Variants in BBS4 observed in about 807,000 individuals in gnomAD.
BBS4 encodes the protein Bardet-Biedl syndrome 4.
In BBS4, 58 loss-of-function variants were observed where a neutral mutation model predicts 71.4. The observed-to-expected ratio is 0.81, with a 90% CI of 0.66 to 1.01. The LOEUF (loss-of-function observed/expected upper bound fraction) is 1.01. BBS4 is among the 50% of genes least tolerant of loss of function. The probability of loss-of-function intolerance (pLI) is 0.00; values close to 1 mark genes in which losing one functional copy is unlikely to be tolerated. For missense variants in BBS4, 660 were observed against 607.9 expected, an observed-to-expected ratio of 1.09 and a Z score of -0.90; for synonymous variants, 228 against 216.8, an observed-to-expected ratio of 1.05 and a Z score of -0.46.
At position 72,735,976 on chromosome 15, in the gene BBS4, T is replaced by C. The variant is rs1369569598; in HGVS notation, c.1248+10T>C. 1 of 1,614,084 alleles carries C rather than the reference T, an allele frequency of 6.2e-7. No homozygotes were observed. Among genetic ancestry groups the C allele is most frequent in the South Asian group, 1.1e-5 (1 of 91,072 alleles). ...GGAATTTGACTCTGAGGTATGTCTT[T>C]TATTAGCTCCCAAGAGTCATAAGTA... On this transcript the variant is annotated intron_variant, in intron 14 of 15. Coordinates refer to ENST00000268057, the MANE Select transcript of BBS4 (RefSeq NM_033028.5).
chr15:72,698,541 ATGT>A (rs796505750), intron 2 of BBS4, among the ~76,000 whole-genome samples: 87 of 152,258 alleles, frequency 5.7e-4, no homozygotes, highest in African/African-American at 2.0e-3. Context: ...AGATTCATTC[ATGT>A]TGTAGCATGT....
At chr15:72,729,745 A>G (rs1375476395) in intron 10 of BBS4, 61 bp downstream of exon 10, 14 of 1,433,398 alleles carry the variant, frequency 9.8e-6, no homozygotes, top group Non-Finnish European at 1.4e-5. Flanking sequence ...CCTAGAGGTG[A>G]TCTGACCCTG....
intron 13 of BBS4, chr15:72,735,613 C>T (rs2065906051): frequency 1.5e-6 from 1 of 658,154 alleles, no homozygotes; most frequent in Non-Finnish European, 2.7e-6. Flanking sequence ...GCTGAGATGC[C>T]AGATTTGGTC....
intron 3 of BBS4, among the ~76,000 whole-genome samples, chr15:72,710,525 CTT>C (rs1425335793): frequency 6.6e-6 from 1 of 151,830 alleles, no homozygotes; most frequent in Non-Finnish European, 1.5e-5. Flanking sequence ...TAATTTCTCT[CTT>C]ACTGCAAGGT....
At chr15:72,712,417 A>T in intron 4 of BBS4, 110 bp downstream of exon 4, 2 of 994,628 alleles carry the variant, frequency 2.0e-6, no homozygotes, top group Non-Finnish European at 1.6e-6. Flanking sequence ...TGCACCACTT[A>T]ACAATGGAGA....
intron 2 of BBS4, among the ~76,000 whole-genome samples, chr15:72,696,095 G>A (rs1003597058): frequency 6.6e-6 from 1 of 152,172 alleles, no homozygotes; most frequent in African/African-American, 2.4e-5. Flanking sequence ...GTTGAAGTGT[G>A]CAAATGTAAT....
chr15:72,692,831 C>G (rs139054408), intron 1 of BBS4, among the ~76,000 whole-genome samples: 25 of 151,668 alleles, frequency 1.6e-4, no homozygotes, highest in African/African-American at 5.8e-4. Context: ...TTTCTAGGCT[C>G]GTGTGATCCT....
At chr15:72,699,363 T>TGTGA (rs1006543612) in intron 2 of BBS4, among the ~76,000 whole-genome samples, 1 of 152,124 alleles carries the variant, frequency 6.6e-6, no homozygotes, top group Non-Finnish European at 1.5e-5. Context: ...GGATTACAGG[T>TGTGA]GTGAGCCACC....
In BBS4 at chr15:72,738,453, ATAAAAACC is replaced by A; in HGVS notation, c.*872_*879del. ...TCAGGTATAAAAACAAGAGATCATAATAAAAACCTAAAAGAACCTATGATCACGGTCTT... is the reference window on the plus strand; with the variant it reads ...TCAGGTATAAAAACAAGAGATCATAATAAAAGAACCTATGATCACGGTCTT... On this transcript the variant is annotated 3_prime_UTR_variant, in exon 16 of 16. Coordinates refer to ENST00000268057, the MANE Select transcript of BBS4 (RefSeq NM_033028.5). The A allele has an allele frequency of 2.7e-6, 1 of 365,534 alleles. No homozygotes were observed. Among genetic ancestry groups the A allele is most frequent in the Non-Finnish European group, 5.3e-6 (1 of 189,180 alleles). 22.6% of individuals were successfully genotyped at this position (365,534 alleles called of 1,614,324 possible).
At chr15:72,697,484 G>A (rs867709748) in intron 2 of BBS4, among the ~76,000 whole-genome samples, 26 of 152,100 alleles carry the variant, frequency 1.7e-4, no homozygotes, top group African/African-American at 5.3e-4. Flanking sequence ...CTTCTACCTG[G>A]TAGATGACAG....
At chr15:72,698,936 A>C (rs1472003449) in intron 2 of BBS4, among the ~76,000 whole-genome samples, 1 of 152,190 alleles carries the variant, frequency 6.6e-6, no homozygotes, top group Non-Finnish European at 1.5e-5. Context: ...AATTCACCCT[A>C]AAGTCTACAT....
chr15:72,693,973 C>A (rs142394467), intron 1 of BBS4, among the ~76,000 whole-genome samples: 1 of 151,922 alleles, frequency 6.6e-6, no homozygotes, highest in South Asian at 2.1e-4. Context: ...CAACCTCTGC[C>A]TTCTGGGTTC....
rs543644919 is a variant in BBS4 at position 72,704,882 on chromosome 15, AAAAACAAAAC to A, written c.77-4798_77-4789del. On this transcript the variant is annotated intron_variant, in intron 2 of 15. Coordinates refer to ENST00000268057, the MANE Select transcript of BBS4 (RefSeq NM_033028.5). The stretch of plus-strand genomic sequence containing the variant: ...ATGACAGAACTCGACTCCATCTCAA[AAAAACAAAAC>A]AAAACAAAACAAAACAAAAACAAAA... Among the ~76,000 whole-genome samples, 84 of 152,170 alleles carry A rather than the reference AAAAACAAAAC, an allele frequency of 5.5e-4. No homozygotes were observed. In the South Asian group the frequency reaches 7.9e-3, roughly 14 times the overall value.
chr15:72,717,888 G>T (rs1055612884), intron 6 of BBS4, among the ~76,000 whole-genome samples: 1 of 151,988 alleles, frequency 6.6e-6, no homozygotes, highest in Non-Finnish European at 1.5e-5. Flanking sequence ...TCACTCTGTT[G>T]CCCAGGCTGG....
intron 2 of BBS4, among the ~76,000 whole-genome samples, chr15:72,704,855 TTA>T (rs138939236): frequency 0.12 from 17,816 of 151,808 alleles, 1,655 homozygotes; most frequent in East Asian, 0.46. Context: ...ACTCCGGCCT[TTA>T]TGACAGAACT....
chr15:72,710,195 G>GTTCTTTTTTTTTTTTTTTTT lies in BBS4; in HGVS notation c.156+418_156+419insCTTTTTTTTTTTTTTTTTTT, dbSNP rs1239689474. ...TAGATGAAAAATGGTATTTTGTCGA[G>GTTCTTTTTTTTTTTTTTTTT]TTTTTTTTTTTTTTTTTTTTTTTTT... On this transcript the variant is annotated intron_variant, in intron 3 of 15. Transcript: ENST00000268057. Among the ~76,000 whole-genome samples, 5 of 103,442 alleles carry GTTCTTTTTTTTTTTTTTTTT rather than the reference G, an allele frequency of 4.8e-5. 1 individual carries two copies. Among genetic ancestry groups the GTTCTTTTTTTTTTTTTTTTT allele is most frequent in the African/African-American group, 1.1e-4 (3 of 27,240 alleles). The allele number at this position is 103,442 out of a possible 152,430, so 67.9% of individuals were successfully genotyped here.
rs1406083109 is a variant in BBS4, at chr15:72,709,813, C to T, written c.156+34C>T. The T allele has an allele frequency of 4.4e-6, 7 of 1,574,908 alleles. No homozygotes were observed. The African/African-American group carries it at 6.7e-5, about 15-fold the overall frequency. On this transcript the variant is annotated intron_variant, in intron 3 of 15. Transcript: ENST00000268057. ...TTGCCATAATAATAAAAATGAGAGG[C>T]AGGATGTTGGGTAGGCAACTAACAG...
intron 6 of BBS4, among the ~76,000 whole-genome samples, chr15:72,718,758 G>C (rs2065511236): frequency 1.3e-5 from 2 of 152,162 alleles, no homozygotes; most frequent in Non-Finnish European, 2.9e-5. Flanking sequence ...TGGATTATAA[G>C]ATACTCAACT....
At chr15:72,729,555 A>C (rs1019377402) in intron 9 of BBS4, 61 bp from the exon 10 acceptor site, 1 of 1,534,650 alleles carries the variant, frequency 6.5e-7, no homozygotes, top group Non-Finnish European at 9.0e-7. Flanking sequence ...TGGTCTGGCC[A>C]GACTCTTTTA....
Sources: allele counts gnomAD v4.1 joint callset (sites outside exome capture counted in the v4.1 genomes callset), GRCh38; gene constraint gnomAD v4.1.1; transcripts MANE v1.5; gene names NCBI Gene and HGNC (gene_info 2026-07-23, HGNC 2026-07-21).